The following TTC34 variants were observed in gnomAD, a reference collection of about 807,000 sequenced individuals.
TTC34 encodes the protein tetratricopeptide repeat protein 34.
A neutral mutation model predicts 40.7 loss-of-function variants in TTC34; 44 were observed. The ratio of observed to expected loss-of-function variants is 1.08; its 90% CI spans 0.85 to 1.39. The LOEUF is 1.39. TTC34 is among the 40% of genes most tolerant of loss of function. TTC34 has a pLI of 0.00. For synonymous variants in TTC34, 422 were observed against 398.6 expected (o/e 1.06, Z -0.70); for missense variants, 884 against 838.0 (o/e 1.05, Z -0.68).
chr1:2,694,632 T>A (rs1375892794), intron 6 of TTC34, among the ~76,000 whole-genome samples: 2 of 24,076 alleles, frequency 8.3e-5, no homozygotes, highest in Admixed American at 4.1e-4. Context: ...CACCCACACC[T>A]CCCGGCGAGC....
At chr1:2,769,715 C>G (rs1301090155) in intron 6 of TTC34, among the ~76,000 whole-genome samples, 66 of 149,420 alleles carry the variant, frequency 4.4e-4, no homozygotes, top group Non-Finnish European at 7.6e-4. Context: ...CCCACACCCC[C>G]AGGTGAGCAT....
chr1:2,751,036 A>G (rs1257886369), intron 6 of TTC34, among the ~76,000 whole-genome samples: 5 of 114,234 alleles, frequency 4.4e-5, no homozygotes, highest in Non-Finnish European at 5.2e-5. Context: ...AGCCTGGAAC[A>G]GAACCCACAC....
intron 6 of TTC34, among the ~76,000 whole-genome samples, chr1:2,749,081 A>C (rs1323718883): frequency 0.13 from 2,844 of 21,136 alleles, no homozygotes; most frequent in Middle Eastern, 0.21. Context: ...AGCACCCACA[A>C]CCCCAGGCGA....
chr1:2,769,938 G>T (rs1370938712), intron 6 of TTC34, among the ~76,000 whole-genome samples: 2 of 29,652 alleles, frequency 6.7e-5, no homozygotes, highest in Non-Finnish European at 1.2e-4. Context: ...GACAGCCTGG[G>T]GCAGCACCCA....
chr1:2,677,767 C>CT (rs1639967052), intron 6 of TTC34, among the ~76,000 whole-genome samples: 5 of 134,726 alleles, frequency 3.7e-5, no homozygotes, highest in Admixed American at 7.4e-5. Flanking sequence ...GAACAGCACC[C>CT]ACACCCCCAG....
chr1:2,688,554 C>T lies in TTC34; in HGVS notation c.2227-42991G>A, dbSNP rs551402629. 8.4e-4 allele frequency among the ~76,000 whole-genome samples: 106 copies of T among 126,576 alleles called. 8 individuals are homozygous for T. The highest frequency in any genetic ancestry group is 3.6e-3 in the African/African-American group (102 of 28,586). 83.0% of individuals were successfully genotyped at this position (126,576 alleles called of 152,430 possible). A position where few individuals can be genotyped will look rare whatever the true frequency, so the allele number is the denominator to read the frequency against. ...ACCCACAGGCGAGCACCTGAACCCA[C>T]GGAGCAGCACCCACACCTTCCGGCG... On this transcript the variant is annotated intron_variant, in intron 6 of 8. Transcript: ENST00000401095.
At chr1:2,760,636 C>T (rs1350139660) in intron 6 of TTC34, among the ~76,000 whole-genome samples, 6 of 16,060 alleles carry the variant, frequency 3.7e-4, no homozygotes, top group Admixed American at 3.3e-3. Context: ...CCTGGAGCAG[C>T]GCCCACACCT....
In TTC34 at chr1:2,645,326, G is replaced by A. The variant is rs1427016462; in HGVS notation, c.2464C>T (p.His822Tyr). 6.6e-7 allele frequency: 1 copy of A among 1,513,614 alleles called. No individual in the cohort carries two copies. The highest frequency in any genetic ancestry group is 8.8e-7 in the Non-Finnish European group (1 of 1,133,508). The allele number at this position is 1,513,614 out of a possible 1,614,324, so 93.8% of individuals were successfully genotyped here. ...ATGAGAATGTCTGCCAGGAGGAGGT[G>A]CCAGTGCGGTTGCCCTGAGTCGATT... The change falls in exon 7 of 9, where the codon CAC becomes TAC. Residue 822 changes from histidine (H) to tyrosine (Y), a missense_variant. Transcript: ENST00000401095. This position sits in a 1 kb window ranked among gnomAD's most constrained non-coding sequence, Gnocchi z 4.7.
At chr1:2,767,857 G>T (rs1641825172) in intron 6 of TTC34, among the ~76,000 whole-genome samples, 1 of 149,408 alleles carries the variant, frequency 6.7e-6, no homozygotes, top group African/African-American at 2.5e-5. Context: ...CCCCAGGTGT[G>T]CATCTGACAG....
At chr1:2,791,654 T>C (rs1407607774) in intron 2 of TTC34, among the ~76,000 whole-genome samples, 1 of 152,162 alleles carries the variant, frequency 6.6e-6, no homozygotes, top group African/African-American at 2.4e-5. Context: ...AAAGACACTT[T>C]GAGCCTTTCC....
intron 6 of TTC34, among the ~76,000 whole-genome samples, chr1:2,677,942 A>C (rs1402199148): frequency 1.7e-4 from 7 of 40,606 alleles, no homozygotes; most frequent in South Asian, 1.4e-3. Context: ...CCCCCAGGTG[A>C]GCATCCGACA....
At chr1:2,688,208 C>A (rs868134358) in intron 6 of TTC34, among the ~76,000 whole-genome samples, 306 of 116,128 alleles carry the variant, frequency 2.6e-3, no homozygotes, top group African/African-American at 0.011. Context: ...GCACCCCACA[C>A]CCCCAGGGGA....
chr1:2,685,139 G>T (rs1226329587), intron 6 of TTC34, among the ~76,000 whole-genome samples: 5 of 140,956 alleles, frequency 3.5e-5, no homozygotes, highest in Non-Finnish European at 7.5e-5. Context: ...GCATCGGACG[G>T]CCTGGAACAG....
At chr1:2,751,432 G>C (rs1193935962) in intron 6 of TTC34, among the ~76,000 whole-genome samples, 1 of 128,276 alleles carries the variant, frequency 7.8e-6, no homozygotes, top group African/African-American at 3.2e-5. Context: ...TGACAGCCTG[G>C]AACAGAGCCC....
rs1450743096 is a variant in TTC34 at position 2,753,534 on chromosome 1, C to T, written c.2226+30075G>A. On this transcript the variant is annotated intron_variant, in intron 6 of 8. Transcript: ENST00000401095. ...ATCGGACGGCCTGCAACAGCACCCACACCCCCATGTGAGCATCTGACTGCC... is the reference window on the plus strand; with the variant it reads ...ATCGGACGGCCTGCAACAGCACCCATACCCCCATGTGAGCATCTGACTGCC... Among the ~76,000 whole-genome samples, 2 of 90,212 alleles carry T rather than the reference C, an allele frequency of 2.2e-5. 1 individual carries two copies. Among genetic ancestry groups the T allele is most frequent in the African/African-American group, 1.4e-4 (2 of 14,624 alleles). 59.2% of individuals were successfully genotyped at this position (90,212 alleles called of 152,430 possible).
intron 6 of TTC34, among the ~76,000 whole-genome samples, chr1:2,697,626 GC>G (rs1640927763): frequency 1.4e-5 from 2 of 142,944 alleles, no homozygotes; most frequent in African/African-American, 5.1e-5. Flanking sequence ...GCATCCGACA[GC>G]CTGGAGCAGC....
At chr1:2,751,623 T>G (rs1319994415) in intron 6 of TTC34, among the ~76,000 whole-genome samples, 8 of 106,078 alleles carry the variant, frequency 7.5e-5, no homozygotes, top group East Asian at 3.3e-4. Context: ...GGCGAGCATC[T>G]GACGGCCTGG....
intron 4 of TTC34, 30 bp from the exon 5 acceptor site, chr1:2,786,053 C>A (rs1643584171): frequency 1.4e-6 from 2 of 1,425,462 alleles, no homozygotes; most frequent in Non-Finnish European, 1.8e-6. Flanking sequence ...ACTGCCCATG[C>A]CCTTGGGACC....
At chr1:2,798,617 C>T (rs1643736857) in intron 2 of TTC34, among the ~76,000 whole-genome samples, 2 of 118,960 alleles carry the variant, frequency 1.7e-5, no homozygotes, top group South Asian at 6.9e-4. Context: ...CTCTCAGCCT[C>T]TTAGCCCCTC....
Sources: gnomAD v4.1 joint callset for allele counts (sites outside exome capture counted in the v4.1 genomes callset) on GRCh38, gnomAD v4.1.1 for gene constraint, Gnocchi (gnomAD v3.1) non-coding constraint, MANE v1.5 for transcripts, NCBI Gene and HGNC (gene_info 2026-07-23, HGNC 2026-07-21) for gene names.